The following ZNF704 variants were observed in gnomAD, a reference collection of about 807,000 sequenced individuals.
ZNF704 encodes glucocorticoid induced gene 1.
A neutral mutation model predicts 44.7 loss-of-function variants in ZNF704; 10 were observed. That is an observed-to-expected ratio of 0.22 (90% CI 0.14 to 0.38). The LOEUF (loss-of-function observed/expected upper bound fraction) is 0.38. Among genes scored for constraint, ZNF704 ranks in the 10% least tolerant of loss-of-function variants. The probability of loss-of-function intolerance (pLI) is 1.00; values close to 1 mark genes in which losing one functional copy is unlikely to be tolerated. For synonymous variants in ZNF704, 211 were observed against 207.6 expected (o/e 1.02, Z -0.14); for missense variants, 390 against 545.5 (o/e 0.71, Z 2.84).
At chr8:80,788,818 G>T (rs150781347) in intron 2 of ZNF704, among the ~76,000 whole-genome samples, 15 of 152,220 alleles carry the variant, frequency 9.9e-5, no homozygotes, top group Admixed American at 1.3e-4. Context: ...TCTACTGCAT[G>T]CTCCAAACCA....
intron 1 of ZNF704, among the ~76,000 whole-genome samples, chr8:80,864,431 G>A (rs918925674): frequency 1.3e-5 from 2 of 151,848 alleles, no homozygotes; most frequent in Non-Finnish European, 2.9e-5. Flanking sequence ...AACTCAAAAT[G>A]GCCCTTGGCA....
intron 3 of ZNF704, among the ~76,000 whole-genome samples, chr8:80,690,426 G>A (rs1818612403): frequency 6.6e-6 from 1 of 151,968 alleles, no homozygotes; most frequent in Non-Finnish European, 1.5e-5. Flanking sequence ...GGTTTTCCAG[G>A]GTTTTAAAAT....
intron 1 of ZNF704, among the ~76,000 whole-genome samples, chr8:80,840,907 T>C (rs1489098737): frequency 1.3e-5 from 2 of 152,232 alleles, no homozygotes; most frequent in Non-Finnish European, 2.9e-5. Flanking sequence ...CATTCCCAAT[T>C]TCTATCTGCA....
intron 1 of ZNF704, among the ~76,000 whole-genome samples, chr8:80,869,212 A>G (rs537199165): frequency 2.6e-5 from 4 of 152,308 alleles, no homozygotes; most frequent in African/African-American, 9.6e-5. Flanking sequence ...TTTTTATTAT[A>G]TTACTCTATG....
At chr8:80,705,967 G>A (rs1585969007) in intron 2 of ZNF704, among the ~76,000 whole-genome samples, 2 of 152,210 alleles carry the variant, frequency 1.3e-5, no homozygotes, top group East Asian at 3.8e-4. Context: ...GTCCTGGGGA[G>A]CACCTCATCC....
At chr8:80,772,122 A>C (rs1178160365) in intron 2 of ZNF704, among the ~76,000 whole-genome samples, 3 of 152,152 alleles carry the variant, frequency 2.0e-5, no homozygotes, top group African/African-American at 7.2e-5. Context: ...TCTATTTGCC[A>C]ATATGTTACG....
At chr8:80,651,596 C>T (rs1205123468) in intron 7 of ZNF704, among the ~76,000 whole-genome samples, 2 of 152,178 alleles carry the variant, frequency 1.3e-5, no homozygotes, top group Non-Finnish European at 2.9e-5. Context: ...GTGAAGGGAT[C>T]AATTCAAGAA....
intron 3 of ZNF704, among the ~76,000 whole-genome samples, chr8:80,687,984 T>C (rs992300401): frequency 4.6e-5 from 7 of 152,244 alleles, no homozygotes; most frequent in African/African-American, 1.7e-4. Context: ...GGTAGGAGGA[T>C]CGCTTGAGGC....
intron 4 of ZNF704, among the ~76,000 whole-genome samples, chr8:80,683,004 G>A (rs564813352): frequency 2.0e-5 from 3 of 152,276 alleles, no homozygotes; most frequent in East Asian, 1.9e-4. Flanking sequence ...TCTGATCAGC[G>A]CTTCTTGACT....
At chr8:80,642,437 G>A (rs1817758328) in intron 8 of ZNF704, among the ~76,000 whole-genome samples, 1 of 152,142 alleles carries the variant, frequency 6.6e-6, no homozygotes, top group African/African-American at 2.4e-5. Context: ...TCAATCTAAT[G>A]GGCGAGTAGT....
intron 2 of ZNF704, among the ~76,000 whole-genome samples, chr8:80,702,818 G>A (rs1003544260): frequency 2.0e-5 from 3 of 152,118 alleles, no homozygotes; most frequent in African/African-American, 7.2e-5. Flanking sequence ...GGGCAGAGGT[G>A]AAAGTCGCTG....
At chr8:80,709,217 G>T (rs954422890) in intron 2 of ZNF704, among the ~76,000 whole-genome samples, 10 of 151,922 alleles carry the variant, frequency 6.6e-5, no homozygotes, top group African/African-American at 2.4e-4. Context: ...GGCCGAGGAA[G>T]GCAGATCACG....
Position 80,680,090 on chromosome 8 carries a change from G to A in ZNF704, c.558+7136C>T, listed in dbSNP as rs75871262. Among the ~76,000 whole-genome samples the A allele has an allele frequency of 5.1e-4, 77 of 152,204 alleles. No homozygotes were observed. The East Asian group carries it at 0.013, about 26-fold the overall frequency. The stretch of plus-strand genomic sequence containing the variant: ...AAATGGTTTCATACTTGGAATATAC[G>A]AAGTAGCTTCTATTTTCTTGACAGA... On this transcript the variant is annotated intron_variant, in intron 4 of 8. Coordinates refer to ENST00000327835, the MANE Select transcript of ZNF704 (RefSeq NM_001033723.3).
chr8:80,670,710 C>T, intron 4 of ZNF704, 107 bp from the exon 5 acceptor site: 2 of 753,140 alleles, frequency 2.7e-6, no homozygotes, highest in South Asian at 1.7e-5. Context: ...TAGCAGCATC[C>T]CCAGCCTCTT....
intron 3 of ZNF704, among the ~76,000 whole-genome samples, chr8:80,690,224 G>A (rs1339434319): frequency 6.6e-6 from 1 of 152,082 alleles, no homozygotes; most frequent in African/African-American, 2.4e-5. Flanking sequence ...CTGTGCTAAC[G>A]AAAGTTTGCA....
chr8:80,674,178 C>G (rs529415751), intron 4 of ZNF704, among the ~76,000 whole-genome samples: 1 of 152,298 alleles, frequency 6.6e-6, no homozygotes, highest in African/African-American at 2.4e-5. Context: ...TCCTGACCTC[C>G]TTGGGCCAGT....
intron 1 of ZNF704, among the ~76,000 whole-genome samples, chr8:80,852,577 C>T (rs765562744): frequency 6.6e-6 from 1 of 152,226 alleles, no homozygotes; most frequent in Non-Finnish European, 1.5e-5. Flanking sequence ...CCACCTTACA[C>T]AGACTCCGAA....
chr8:80,653,452 A>G (rs1049335784), intron 7 of ZNF704, among the ~76,000 whole-genome samples: 4 of 152,244 alleles, frequency 2.6e-5, no homozygotes, highest in Non-Finnish European at 5.9e-5. Flanking sequence ...CCTTAAGCTG[A>G]TAAGTAACTT....
At chr8:80,700,880 T>C (rs867737897) in intron 2 of ZNF704, among the ~76,000 whole-genome samples, 22 of 151,868 alleles carry the variant, frequency 1.4e-4, no homozygotes, top group Middle Eastern at 3.4e-3. Context: ...AACTCCCCCC[T>C]CCCCTTTTCT....
Sources: gnomAD v4.1 joint callset for allele counts (sites outside exome capture counted in the v4.1 genomes callset) on GRCh38, gnomAD v4.1.1 for gene constraint, MANE v1.5 for transcripts, NCBI Gene and HGNC (gene_info 2026-07-23, HGNC 2026-07-21) for gene names.